PRLR: variants seen among roughly 807,000 people sequenced by gnomAD.
The protein encoded by PRLR is hPRL receptor.
In PRLR, 13 loss-of-function variants were observed where a neutral mutation model predicts 40.2. That is an observed-to-expected ratio of 0.32 (90% confidence interval 0.21 to 0.51). PRLR has a LOEUF of 0.51. Among genes scored for constraint, PRLR ranks in the 20% least tolerant of loss-of-function variants. PRLR has a pLI of 0.97. For missense variants in PRLR, 656 were observed against 747.3 expected (o/e 0.88, Z 1.42); for synonymous variants, 269 against 278.7 (o/e 0.97, Z 0.35).
At chr5:35,109,432 C>T (rs572405415) in intron 2 of PRLR, among the ~76,000 whole-genome samples, 1 of 152,138 alleles carries the variant, frequency 6.6e-6, no homozygotes, top group Admixed American at 6.6e-5. Context: ...GAACTGGCAA[C>T]CTACAGAATG....
chr5:35,202,539 C>G (rs1387602703), intron 1 of PRLR, among the ~76,000 whole-genome samples: 3 of 152,168 alleles, frequency 2.0e-5, no homozygotes, highest in African/African-American at 7.2e-5. Flanking sequence ...GCTCCCCCTT[C>G]TGGCCATGGC....
intron 2 of PRLR, among the ~76,000 whole-genome samples, chr5:35,093,071 T>C (rs1241084404): frequency 6.6e-6 from 1 of 152,142 alleles, no homozygotes; most frequent in Non-Finnish European, 1.5e-5. Context: ...AAAGCCTCTC[T>C]TCATTCTCCC....
At chr5:35,215,826 C>T (rs1398805868) in intron 1 of PRLR, among the ~76,000 whole-genome samples, 1 of 140,006 alleles carries the variant, frequency 7.1e-6, no homozygotes, top group African/African-American at 2.7e-5. Flanking sequence ...GGCAGGAGTT[C>T]GAGACCAGCT....
At chr5:35,087,538 A>T (rs1387671000) in intron 3 of PRLR, among the ~76,000 whole-genome samples, 1 of 151,146 alleles carries the variant, frequency 6.6e-6, no homozygotes, top group African/African-American at 2.4e-5. Context: ...AGGGTCTATA[A>T]AACTATAATT....
intron 1 of PRLR, among the ~76,000 whole-genome samples, chr5:35,157,764 A>G (rs1216282722): frequency 6.6e-6 from 1 of 152,178 alleles, no homozygotes; most frequent in Non-Finnish European, 1.5e-5. Flanking sequence ...CGGAACTAAA[A>G]TTTCCCGTCT....
downstream of PRLR, among the ~76,000 whole-genome samples, chr5:35,052,477 G>C (rs1455870220): frequency 1.3e-5 from 2 of 151,998 alleles, no homozygotes; most frequent in Non-Finnish European, 2.9e-5. Flanking sequence ...AAATTGTAGG[G>C]GCCCAGCAGC....
rs1396369277 is a variant in PRLR at position 35,065,975 on chromosome 5, A to T, written c.983T>A (p.Val328Asp). 13 of 1,614,036 alleles carry T rather than the reference A, an allele frequency of 8.1e-6. No homozygotes were observed. The East Asian group carries it at 2.9e-4, about 36-fold the overall frequency. ...DDSEDQHLMS[V>D]HSKEHPSQGM... is the part of the protein sequence containing the mutation. ...TTGACTTGGGTGTTCTTTTGAATGG[A>T]CTGACATTAGATGCTGGTCCTCACT... The change falls in exon 10 of 10, where the codon GTC (valine) becomes GAC (aspartate). Residue 328 changes from valine (V) to aspartate (D), a missense_variant. Coordinates refer to ENST00000618457, the MANE Select transcript of PRLR (RefSeq NM_000949.7).
intron 5 of PRLR, among the ~76,000 whole-genome samples, chr5:35,080,682 C>T (rs1242208886): frequency 2.0e-5 from 3 of 152,090 alleles, no homozygotes; most frequent in Non-Finnish European, 2.9e-5. Context: ...CCCAGCCATC[C>T]CATTACTGCG....
At chr5:35,143,654 T>A (rs1159953014) in intron 1 of PRLR, among the ~76,000 whole-genome samples, 1 of 152,208 alleles carries the variant, frequency 6.6e-6, no homozygotes, top group Non-Finnish European at 1.5e-5. Context: ...TAACAATGAC[T>A]GATTGATCCA....
At chr5:35,180,385 T>C (rs1775261556) in intron 1 of PRLR, among the ~76,000 whole-genome samples, 1 of 152,128 alleles carries the variant, frequency 6.6e-6, no homozygotes. Context: ...TCATGAGATG[T>C]AGTTGTTTAA....
chr5:35,225,533 G>A (rs930002445), intron 1 of PRLR, among the ~76,000 whole-genome samples: 6 of 152,210 alleles, frequency 3.9e-5, no homozygotes, highest in African/African-American at 1.4e-4. Context: ...GAAATATCAT[G>A]TGAGTCACAT....
At chr5:35,071,299 A>G (rs1769731972) in intron 6 of PRLR, among the ~76,000 whole-genome samples, 2 of 149,732 alleles carry the variant, frequency 1.3e-5, no homozygotes, top group Non-Finnish European at 2.9e-5. Context: ...TCTCCTCATT[A>G]CACTGAAACT....
intron 1 of PRLR, among the ~76,000 whole-genome samples, chr5:35,127,079 C>G (rs1773495749): frequency 6.6e-6 from 1 of 152,206 alleles, no homozygotes; most frequent in Admixed American, 6.5e-5. Context: ...CTGCAGAACT[C>G]CTTGCTCCCA....
intron 1 of PRLR, among the ~76,000 whole-genome samples, chr5:35,164,143 C>T (rs189632451): frequency 2.6e-5 from 4 of 152,250 alleles, no homozygotes; most frequent in Admixed American, 2.6e-4. Context: ...AATAACTGTC[C>T]ACGTCTCCTT....
intron 2 of PRLR, among the ~76,000 whole-genome samples, chr5:35,091,948 A>G (rs929971011): frequency 1.3e-5 from 2 of 152,186 alleles, no homozygotes; most frequent in Admixed American, 1.3e-4. Flanking sequence ...TAAGATCAAC[A>G]TGCTATAAAT....
chr5:35,124,957 T>G (rs2111746696), intron 1 of PRLR, among the ~76,000 whole-genome samples: 1 of 152,348 alleles, frequency 6.6e-6, no homozygotes, highest in Middle Eastern at 3.4e-3. Context: ...TGAAACACTC[T>G]GAAAAGTTAG....
At chr5:35,190,519 C>G (rs935776566) in intron 1 of PRLR, among the ~76,000 whole-genome samples, 1 of 151,864 alleles carries the variant, frequency 6.6e-6, no homozygotes, top group Non-Finnish European at 1.5e-5. Flanking sequence ...GCAGGAGAAT[C>G]GCTAGAACTG....
In PRLR at chr5:35,077,101, G is replaced by T. The variant is rs188784824; in HGVS notation, c.374-4357C>A. Among the ~76,000 whole-genome samples the T allele has an allele frequency of 1.7e-3, 252 of 152,270 alleles. 1 individual carries two copies. The highest frequency in any genetic ancestry group is 5.9e-3 in the African/African-American group (244 of 41,540). On this transcript the variant is annotated intron_variant, in intron 5 of 9. Coordinates refer to ENST00000618457, the MANE Select transcript of PRLR (RefSeq NM_000949.7). ...AGCCACTGCAAAAACATGCCAAATT[G>T]CAAAGACCATCAATGCTAGGAAGAA...
Position 35,094,205 on chromosome 5 carries a change from A to G in PRLR, c.-43-4542T>C, listed in dbSNP as rs144172163. ...TACCTACTCCTTCCTGATAGAAACCATTCTTCCCACTTCTAACAGTACAGA... is the reference window on the plus strand; with the variant it reads ...TACCTACTCCTTCCTGATAGAAACCGTTCTTCCCACTTCTAACAGTACAGA... On this transcript the variant is annotated intron_variant, in intron 2 of 9. Coordinates refer to ENST00000618457, the MANE Select transcript of PRLR (RefSeq NM_000949.7). Among the ~76,000 whole-genome samples the G allele has an allele frequency of 4.5e-3, 688 of 152,296 alleles. 6 individuals carry two copies. The highest frequency in any genetic ancestry group is 0.016 in the African/African-American group (661 of 41,556).
Sources: gnomAD v4.1 joint callset for allele counts (sites outside exome capture counted in the v4.1 genomes callset) on GRCh38, gnomAD v4.1.1 for gene constraint, MANE v1.5 for transcripts, NCBI Gene and HGNC (gene_info 2026-07-23, HGNC 2026-07-21) for gene names.